Variants in VPS50 observed in about 807,000 individuals in gnomAD.
VPS50 encodes VPS50 subunit of EARP/GARPII complex, also known as syndetin.
Under a neutral mutation model 139.7 loss-of-function variants are expected in VPS50, and 70 were observed. The ratio of observed to expected loss-of-function variants is 0.50; its 90% CI spans 0.41 to 0.61. VPS50 has a LOEUF of 0.61. VPS50 is among the 20% of genes least tolerant of loss of function. The probability of loss-of-function intolerance (pLI) is 0.00; values close to 1 mark genes in which losing one functional copy is unlikely to be tolerated. For synonymous variants in VPS50, 365 were observed against 376.7 expected (o/e 0.97, Z 0.36); for missense variants, 921 against 1,133.7 (o/e 0.81, Z 2.69).
intron 2 of VPS50, among the ~76,000 whole-genome samples, chr7:93,240,949 TAAGAA>T (rs1047930998): frequency 1.3e-5 from 2 of 152,140 alleles, no homozygotes; most frequent in African/African-American, 4.8e-5. Context: ...GACAAAAACT[TAAGAA>T]AAGCATTCCG....
chr7:93,349,015 G>A (rs1798483136), intron 24 of VPS50, among the ~76,000 whole-genome samples: 2 of 152,170 alleles, frequency 1.3e-5, no homozygotes, highest in Non-Finnish European at 2.9e-5. Context: ...GTGAGAGAGA[G>A]AGCATCAGTT....
intron 11 of VPS50, among the ~76,000 whole-genome samples, chr7:93,274,364 C>T (rs1336010765): frequency 6.6e-6 from 1 of 152,076 alleles, no homozygotes; most frequent in East Asian, 1.9e-4. Flanking sequence ...CATGTGAAGA[C>T]TTTAAGTTGA....
rs774033476 is a variant in VPS50 at position 93,359,342 on chromosome 7, A to ACGGT, written c.*908_*911dup. ...TTGTCTGCTAGTCACTCATAAATGT[A>ACGGT]CGGTCATATGTTCACTCTTCTTAAA... On this transcript the variant is annotated 3_prime_UTR_variant, in exon 28 of 28. Coordinates refer to ENST00000305866, the MANE Select transcript of VPS50 (RefSeq NM_017667.4). The ACGGT allele has an allele frequency of 1.3e-5, 2 of 152,102 alleles. No individual in the cohort carries two copies. The highest frequency in any genetic ancestry group is 2.9e-5 in the Non-Finnish European group (2 of 68,020). 9.4% of individuals were successfully genotyped at this position (152,102 alleles called of 1,614,324 possible). A position where few individuals can be genotyped will look rare whatever the true frequency, so the allele number is the denominator to read the frequency against.
At chr7:93,314,091 A>T (rs955983602) in intron 20 of VPS50, among the ~76,000 whole-genome samples, 1 of 152,166 alleles carries the variant, frequency 6.6e-6, no homozygotes, top group African/African-American at 2.4e-5. Flanking sequence ...TAGCAAATGC[A>T]CTATTCCATC....
At chr7:93,250,096 A>T (rs1239065020) in intron 2 of VPS50, among the ~76,000 whole-genome samples, 7 of 151,746 alleles carry the variant, frequency 4.6e-5, no homozygotes, top group Non-Finnish European at 7.4e-5. Flanking sequence ...GGTGTATTTT[A>T]TGAGTTAGCA....
chr7:93,345,640 G>A (rs1284023966), intron 23 of VPS50, among the ~76,000 whole-genome samples: 1 of 152,102 alleles, frequency 6.6e-6, no homozygotes, highest in African/African-American at 2.4e-5. Context: ...TGATCAAGTG[G>A]GCTTCATCCC....
chr7:93,250,402 T>C (rs1283603601), intron 2 of VPS50, among the ~76,000 whole-genome samples: 3 of 152,166 alleles, frequency 2.0e-5, no homozygotes, highest in African/African-American at 7.2e-5. Flanking sequence ...TTGAAAAATA[T>C]ACTGTTCTTT....
rs1186256494 is a variant in VPS50 at position 93,249,575 on chromosome 7, T to TA, written c.103-3071dup. On this transcript the variant is annotated intron_variant, in intron 2 of 27. Transcript: ENST00000305866. Reference sequence around the variant, plus strand: ...TTCTGGCTTGGCTCTATTTCTGATTTAAAAAAATCGTAGCAGTTTTTGTAA... The same window carrying TA: ...TTCTGGCTTGGCTCTATTTCTGATTTAAAAAAAATCGTAGCAGTTTTTGTAA... Among the ~76,000 whole-genome samples the TA allele has an allele frequency of 3.9e-5, 6 of 152,142 alleles. No homozygotes were observed. In the South Asian group the frequency reaches 1.2e-3, roughly 32 times the overall value.
intron 12 of VPS50, 146 bp from the exon 13 acceptor site, chr7:93,291,557 A>T (rs757228373): frequency 3.0e-5 from 14 of 461,488 alleles, no homozygotes; most frequent in Non-Finnish European, 5.2e-5. Flanking sequence ...TTTTCTCCCC[A>T]TTGAATTTTC....
chr7:93,260,000 T>C (rs1373924528), intron 9 of VPS50, among the ~76,000 whole-genome samples: 8 of 152,326 alleles, frequency 5.3e-5, no homozygotes, highest in Non-Finnish European at 1.0e-4. Context: ...AGGATATTAT[T>C]GCAGCTTGTT....
chr7:93,232,850 G>T (rs767648012), intron 1 of VPS50, among the ~76,000 whole-genome samples: 10 of 152,212 alleles, frequency 6.6e-5, no homozygotes, highest in African/African-American at 2.4e-4. Context: ...CGAGCTGATA[G>T]CCTGGGTAGG....
At chr7:93,320,170 A>G (rs1021413337) in intron 20 of VPS50, among the ~76,000 whole-genome samples, 1 of 152,140 alleles carries the variant, frequency 6.6e-6, no homozygotes, top group Non-Finnish European at 1.5e-5. Flanking sequence ...TTCAGTAGAA[A>G]TTCGGACTCG....
At chr7:93,235,719 T>C (rs967840635) in intron 1 of VPS50, among the ~76,000 whole-genome samples, 3 of 152,064 alleles carry the variant, frequency 2.0e-5, no homozygotes, top group African/African-American at 7.2e-5. Context: ...GAGGAACAGA[T>C]TGAGGGAAGG....
At chr7:93,270,397 A>G (rs1200062228) in intron 9 of VPS50, among the ~76,000 whole-genome samples, 2 of 152,074 alleles carry the variant, frequency 1.3e-5, no homozygotes, top group Non-Finnish European at 2.9e-5. Context: ...CATACAGTAT[A>G]TACTATTTTT....
At chr7:93,320,145 A>T (rs1011744449) in intron 20 of VPS50, among the ~76,000 whole-genome samples, 1 of 152,104 alleles carries the variant, frequency 6.6e-6, no homozygotes, top group African/African-American at 2.4e-5. Context: ...ACTATGTTCG[A>T]GCTGGCTCTT....
intron 25 of VPS50, among the ~76,000 whole-genome samples, chr7:93,351,620 T>C (rs892680268): frequency 2.6e-5 from 4 of 152,158 alleles, no homozygotes; most frequent in Admixed American, 1.3e-4. Flanking sequence ...GCAAGGCAGC[T>C]CTCTGGGGCT....
intron 2 of VPS50, among the ~76,000 whole-genome samples, chr7:93,252,117 G>A (rs1795353236): frequency 6.6e-6 from 1 of 152,092 alleles, no homozygotes; most frequent in Admixed American, 6.6e-5. Context: ...CCACTTTGAA[G>A]GAAGCCTCAT....
chr7:93,355,826 T>C, intron 26 of VPS50, 65 bp from the exon 27 acceptor site: 1 of 956,722 alleles, frequency 1.0e-6, no homozygotes, highest in South Asian at 2.0e-5. Context: ...AAACTTCAAA[T>C]ACCTGACAGT....
At chr7:93,334,065 A>C (rs1011200185) in intron 21 of VPS50, 52 bp from the exon 22 acceptor site, 1 of 985,042 alleles carries the variant, frequency 1.0e-6, no homozygotes, top group Admixed American at 2.0e-5. Context: ...TGAAGATGTA[A>C]CATTTGCAAG....
Sources: allele counts gnomAD v4.1 joint callset (sites outside exome capture counted in the v4.1 genomes callset), GRCh38; gene constraint gnomAD v4.1.1; transcripts MANE v1.5; gene names NCBI Gene and HGNC (gene_info 2026-07-23, HGNC 2026-07-21).